COL5A1: variants seen among roughly 807,000 people sequenced by gnomAD.
The protein encoded by COL5A1 is collagen alpha-1(V) chain.
Under a neutral mutation model 263.7 loss-of-function variants are expected in COL5A1, and 16 were observed. The observed-to-expected ratio is 0.06, with a 90% CI of 0.04 to 0.09. COL5A1 has a LOEUF of 0.09. COL5A1 is among the 10% of genes least tolerant of loss of function. The pLI is 1.00. For missense variants in COL5A1, 2,036 were observed against 2,540.5 expected (o/e 0.80, Z 4.27); for synonymous variants, 1,012 against 1,004.5 (o/e 1.01, Z -0.14).
chr9:134,773,393 CTG>C, intron 26 of COL5A1, among the ~76,000 whole-genome samples: 1 of 152,282 alleles, frequency 6.6e-6, no homozygotes, highest in East Asian at 1.9e-4. Context: ...GCAAGCACCT[CTG>C]TGGGAAGAGC....
rs764316397 is a variant in COL5A1 at position 134,805,097 on chromosome 9, G to A, written c.3204+33G>A. 3.7e-6 allele frequency: 6 copies of A among 1,613,592 alleles called. No homozygotes were observed. The African/African-American group carries it at 4.0e-5, about 11-fold the overall frequency. On this transcript the variant is annotated intron_variant, in intron 40 of 65. Coordinates refer to ENST00000371817, the MANE Select transcript of COL5A1 (RefSeq NM_000093.5). ...AGAGGCCAGGCGGGGAATGAAATGGGACAGGTGCAGCCCTGGAGGCCTCTC... is the reference window on the plus strand; with the variant it reads ...AGAGGCCAGGCGGGGAATGAAATGGAACAGGTGCAGCCCTGGAGGCCTCTC...
intron 4 of COL5A1, among the ~76,000 whole-genome samples, chr9:134,707,260 G>A (rs1284889614): frequency 6.6e-6 from 1 of 152,206 alleles, no homozygotes; most frequent in Non-Finnish European, 1.5e-5. Context: ...GGGGCAACAA[G>A]ACCAAACAGA....
chr9:134,735,075 T>C (rs1266505617), intron 9 of COL5A1, among the ~76,000 whole-genome samples: 7 of 151,854 alleles, frequency 4.6e-5, no homozygotes, highest in Admixed American at 1.3e-4. Flanking sequence ...TAACCAGGTG[T>C]GGTGGTGGGC....
chr9:134,806,146 T>A, intron 41 of COL5A1, 43 bp from the exon 42 acceptor site: 2 of 1,432,898 alleles, frequency 1.4e-6, no homozygotes, highest in South Asian at 2.4e-5. Flanking sequence ...GACCACGCAG[T>A]CTGAGAGCCT....
intron 1 of COL5A1, among the ~76,000 whole-genome samples, chr9:134,687,415 T>TCATC (rs5901049): frequency 0.011 from 1,678 of 147,810 alleles, 22 homozygotes; most frequent in African/African-American, 0.034. Flanking sequence ...CTCTGGGACT[T>TCATC]CATCCATCCA....
chr9:134,681,619 G>A lies in COL5A1; in HGVS notation c.110-9293G>A, dbSNP rs1257996498. Among the ~76,000 whole-genome samples the A allele has an allele frequency of 1.3e-5, 2 of 152,158 alleles. No homozygotes were observed. The highest frequency in any genetic ancestry group is 2.9e-5 in the Non-Finnish European group (2 of 68,036). ...GACTGGGGTGGACTGGGCACTGAGG[G>A]TGACTCCCTTGCAGCCCCAGCATGG... On this transcript the variant is annotated intron_variant, in intron 1 of 65. Coordinates refer to ENST00000371817, the MANE Select transcript of COL5A1 (RefSeq NM_000093.5). The surrounding 1 kb of genome is among the most constrained non-coding windows in gnomAD (Gnocchi z 4.3).
At position 134,825,772 on chromosome 9, in the gene COL5A1, T is replaced by C; in HGVS notation, c.4955-20T>C. ...ATCCTTCTGACTCTGCCTGCCTCCC[T>C]CCCCGTCTCTGAAATCCAGGTGAAT... On this transcript the variant is annotated intron_variant, in intron 62 of 65. Coordinates refer to ENST00000371817, the MANE Select transcript of COL5A1 (RefSeq NM_000093.5). 6 of 1,544,832 alleles carry C rather than the reference T, an allele frequency of 3.9e-6. No homozygotes were observed. The highest frequency in any genetic ancestry group is 5.4e-6 in the Non-Finnish European group (6 of 1,118,374).
At chr9:134,825,136 C>A (rs1446046958) in intron 62 of COL5A1, among the ~76,000 whole-genome samples, 1 of 152,196 alleles carries the variant, frequency 6.6e-6, no homozygotes, top group Non-Finnish European at 1.5e-5. Flanking sequence ...CCTGCTTGAA[C>A]CTCGTGTTCC....
intron 26 of COL5A1, among the ~76,000 whole-genome samples, chr9:134,773,457 C>T (rs538563209): frequency 3.9e-5 from 6 of 152,228 alleles, no homozygotes; most frequent in South Asian, 4.1e-4. Context: ...TCCTGGTGTG[C>T]GCCAACCTTC....
rs896239240 is a variant in COL5A1 at position 134,757,127 on chromosome 9, G to A, written c.1881+309G>A. Among the ~76,000 whole-genome samples, 7 of 152,250 alleles carry A rather than the reference G, an allele frequency of 4.6e-5. No individual in the cohort carries two copies. The highest frequency in any genetic ancestry group is 1.9e-4 in the East Asian group (1 of 5,174). ...GACGAGGCGCATGTAGGGCAGAGGC[G>A]GGGCATATGGCAAGTGCGGGGGCCA... On this transcript the variant is annotated intron_variant, in intron 17 of 65. Coordinates refer to ENST00000371817, the MANE Select transcript of COL5A1 (RefSeq NM_000093.5). The surrounding 1 kb of genome is among the most constrained non-coding windows in gnomAD (Gnocchi z 6.2).
chr9:134,787,915 T>C (rs1401252716), intron 31 of COL5A1, among the ~76,000 whole-genome samples: 3 of 152,188 alleles, frequency 2.0e-5, no homozygotes, highest in Non-Finnish European at 4.4e-5. Context: ...CATTTGGCTT[T>C]CTAGAGCTGA....
At chr9:134,711,773 AC>A (rs924297021) in intron 4 of COL5A1, among the ~76,000 whole-genome samples, 1 of 151,528 alleles carries the variant, frequency 6.6e-6, no homozygotes, top group Non-Finnish European at 1.5e-5. Flanking sequence ...TATTCTCATG[AC>A]CCCTTCTTGC....
Position 134,812,433 on chromosome 9 carries a change from A to G in COL5A1, c.3691-16A>G. On this transcript the variant is annotated splice_polypyrimidine_tract_variant and intron_variant, in intron 46 of 65. Transcript: ENST00000371817. ...ATGACAGAACAGCGCTTAACTGGGA[A>G]GTTTCCTGTTCTCAGGGTTTGCCAG... is the stretch of plus-strand genomic sequence containing the variant. The G allele has an allele frequency of 6.2e-7, 1 of 1,613,694 alleles. No individual in the cohort carries two copies. The highest frequency in any genetic ancestry group is 8.5e-7 in the Non-Finnish European group (1 of 1,179,746).
At chr9:134,819,631 T>C (rs544034299) in intron 57 of COL5A1, among the ~76,000 whole-genome samples, 1 of 152,344 alleles carries the variant, frequency 6.6e-6, no homozygotes, top group East Asian at 1.9e-4. Context: ...AGGCTTGCCC[T>C]GGGTTCCTAG....
At chr9:134,752,062 G>A (rs1021449080) in intron 13 of COL5A1, among the ~76,000 whole-genome samples, 1 of 152,250 alleles carries the variant, frequency 6.6e-6, no homozygotes, top group East Asian at 1.9e-4. Flanking sequence ...GTGGGAAAGC[G>A]GTGGGCCCTG....
At chr9:134,788,277 TG>T (rs1837536138) in intron 31 of COL5A1, among the ~76,000 whole-genome samples, 3 of 140,924 alleles carry the variant, frequency 2.1e-5, no homozygotes, top group African/African-American at 5.4e-5. Context: ...GGTGGATGAA[TG>T]GATGGGTGGG....
At chr9:134,838,674 G>A (rs148877593) in intron 65 of COL5A1, among the ~76,000 whole-genome samples, 3 of 152,320 alleles carry the variant, frequency 2.0e-5, no homozygotes, top group African/African-American at 7.2e-5. Context: ...TGGGATCACG[G>A]GGATACCCAG....
At chr9:134,800,576 C>T (rs1230874128) in intron 37 of COL5A1, among the ~76,000 whole-genome samples, 1 of 151,990 alleles carries the variant, frequency 6.6e-6, no homozygotes, top group Non-Finnish European at 1.5e-5. Context: ...GAAACCCCGT[C>T]TCTACTAAAA....
chr9:134,704,764 G>T (rs1442160202), intron 4 of COL5A1, among the ~76,000 whole-genome samples: 2 of 151,150 alleles, frequency 1.3e-5, no homozygotes, highest in East Asian at 1.9e-4. Context: ...CAGGATCAGC[G>T]ATGCCTTCAG....
Sources: allele counts gnomAD v4.1 joint callset (sites outside exome capture counted in the v4.1 genomes callset), GRCh38; gene constraint gnomAD v4.1.1; non-coding constraint Gnocchi (gnomAD v3.1); transcripts MANE v1.5; gene names NCBI Gene and HGNC (gene_info 2026-07-23, HGNC 2026-07-21).